ZNF529: variants seen among roughly 807,000 people sequenced by gnomAD.
The protein encoded by ZNF529 is zinc finger protein 529.
In ZNF529, 11 loss-of-function variants were observed where a neutral mutation model predicts 10.1. That is an observed-to-expected ratio of 1.09 (90% CI 0.69 to 1.81). ZNF529 has a LOEUF of 1.81. Ranked by LOEUF, ZNF529 falls within the 40% of genes most tolerant of loss-of-function variation. ZNF529 has a pLI of 0.00. For missense variants in ZNF529, 624 were observed against 666.8 expected (o/e 0.94, Z 0.71); for synonymous variants, 204 against 215.7 (o/e 0.95, Z 0.47).
At chr19:36,565,699 C>T (rs2035869914) in intron 2 of ZNF529, among the ~76,000 whole-genome samples, 1 of 149,376 alleles carries the variant, frequency 6.7e-6, no homozygotes, top group Non-Finnish European at 1.5e-5. Context: ...GACTCTGTCT[C>T]AAAAAAAAGA....
chr19:36,568,477 T>C (rs1403786876), intron 2 of ZNF529, among the ~76,000 whole-genome samples: 1 of 149,518 alleles, frequency 6.7e-6, no homozygotes, highest in East Asian at 1.9e-4. Context: ...TTTCTTTCTT[T>C]TTTTTTTTTT....
At chr19:36,552,903 C>T in intron 4 of ZNF529, among the ~76,000 whole-genome samples, 1 of 152,118 alleles carries the variant, frequency 6.6e-6, no homozygotes, top group East Asian at 1.9e-4. Context: ...AAAGAAAGCT[C>T]TTATGTTATT....
At chr19:36,599,011 C>T (rs528320405) in intron 1 of ZNF529, among the ~76,000 whole-genome samples, 7 of 152,212 alleles carry the variant, frequency 4.6e-5, no homozygotes, top group East Asian at 3.9e-4. Flanking sequence ...AGAAGTCATT[C>T]GGCTTATAAA....
chr19:36,599,000 G>A (rs1449626318), intron 1 of ZNF529, among the ~76,000 whole-genome samples: 1 of 152,208 alleles, frequency 6.6e-6, no homozygotes, highest in African/African-American at 2.4e-5. Flanking sequence ...AGCAGCTAGA[G>A]AGAAGTCATT....
At chr19:36,557,732 C>G (rs941939016) in intron 2 of ZNF529, among the ~76,000 whole-genome samples, 1 of 152,320 alleles carries the variant, frequency 6.6e-6, no homozygotes, top group East Asian at 1.9e-4. Context: ...GACAAAAGTA[C>G]TGGAGTTCCA....
intron 1 of ZNF529, among the ~76,000 whole-genome samples, chr19:36,597,530 T>C (rs1196877513): frequency 6.6e-6 from 1 of 152,216 alleles, no homozygotes; most frequent in Non-Finnish European, 1.5e-5. Context: ...TGAACATACA[T>C]ACATCATACA....
rs1185610380 is a variant in ZNF529 at position 36,586,077 on chromosome 19, T to TA, written c.-41+3537dup. ...GGAACACGAAATCCCATCCTGACTA[T>TA]AAAACATTATATGCTGTTTATTACA... On this transcript the variant is annotated intron_variant, in intron 2 of 4. Coordinates refer to the ZNF529 transcript ENST00000585960. 9.8e-5 allele frequency among the ~76,000 whole-genome samples: 15 copies of TA among 152,352 alleles called. No individual in the cohort carries two copies. The East Asian group carries it at 2.5e-3, about 25-fold the overall frequency.
At position 36,547,410 on chromosome 19, in the gene ZNF529, C is replaced by T. The variant is rs568515212; in HGVS notation, c.1148G>A (p.Arg383His). 4.5e-5 allele frequency: 73 copies of T among 1,613,040 alleles called. No homozygotes were observed. Among genetic ancestry groups the T allele is most frequent in the Non-Finnish European group, 5.0e-5 (59 of 1,179,628 alleles). ...KAFGVCRELA[R>H]HQRIHTGKKP... ...CTTACCAGTATGAATTCTCTGATGA[C>T]GAGCAAGTTCTCTACATACTCCAAA... The change falls in exon 5 of 5, where the codon CGT becomes CAT. Residue 383 changes from arginine to histidine, a missense_variant. Transcript: ENST00000591340.
intron 2 of ZNF529, chr19:36,580,115 A>G (rs1257801826): frequency 1.3e-5 from 2 of 152,176 alleles, no homozygotes; most frequent in African/African-American, 4.8e-5. Flanking sequence ...TAGAGTATCA[A>G]TATGTCTGTC....
At position 36,554,813 on chromosome 19, in the gene ZNF529, G is replaced by A. The variant is rs767405491; in HGVS notation, c.109-17C>T. ...CACCAGTTCCTGAAACAACAAACCCGTACATTACAGGTAAAATTTAAGGAA... is the reference window on the plus strand; with the variant it reads ...CACCAGTTCCTGAAACAACAAACCCATACATTACAGGTAAAATTTAAGGAA... On this transcript the variant is annotated splice_polypyrimidine_tract_variant and intron_variant, in intron 3 of 4. Coordinates refer to ENST00000591340, the MANE Select transcript of ZNF529 (RefSeq NM_020951.5). 1.9e-5 allele frequency: 28 copies of A among 1,506,598 alleles called. No homozygotes were observed. The highest frequency in any genetic ancestry group is 1.7e-4 in the Middle Eastern group (1 of 5,728). The allele number at this position is 1,506,598 out of a possible 1,614,324, so 93.3% of individuals were successfully genotyped here. A position where few individuals can be genotyped will look rare whatever the true frequency, so the allele number is the denominator to read the frequency against.
At position 36,590,921 on chromosome 19, in the gene ZNF529, C is replaced by T. The variant is rs545545043; in HGVS notation, c.-127-1220G>A. Among the ~76,000 whole-genome samples, 3 of 128,958 alleles carry T rather than the reference C, an allele frequency of 2.3e-5. No individual in the cohort carries two copies. The South Asian group carries it at 8.0e-4, about 34-fold the overall frequency. 84.6% of individuals were successfully genotyped at this position (128,958 alleles called of 152,430 possible). ...CTCTAGACTTGGCAACAGAGCAAGA[C>T]TCCGTCTCAAAAAAAAAAAAAAAAG... On this transcript the variant is annotated intron_variant, in intron 1 of 4. Transcript: ENST00000585960.
At chr19:36,601,697 A>G (rs989920359) in intron 1 of ZNF529, among the ~76,000 whole-genome samples, 1 of 152,102 alleles carries the variant, frequency 6.6e-6, no homozygotes, top group African/African-American at 2.4e-5. Flanking sequence ...AATTGGTACT[A>G]TTATTATATA....
chr19:36,561,228 C>T (rs1217787182), intron 2 of ZNF529, among the ~76,000 whole-genome samples: 1 of 152,190 alleles, frequency 6.6e-6, no homozygotes, highest in East Asian at 1.9e-4. Context: ...CACAGTGCTC[C>T]TTGGCTGCCG....
At position 36,573,166 on chromosome 19, in the gene ZNF529, A is replaced by G; in HGVS notation, c.-73T>C. 1 of 311,436 alleles carries G rather than the reference A, an allele frequency of 3.2e-6. No homozygotes were observed. Among genetic ancestry groups the G allele is most frequent in the South Asian group, 2.6e-5 (1 of 38,584 alleles). 19.3% of individuals were successfully genotyped at this position (311,436 alleles called of 1,614,324 possible). On this transcript the variant is annotated 5_prime_UTR_variant, in exon 1 of 5. Transcript: ENST00000591340. ...ACCATCGTCCGCAGCTCCCGCGTAC[A>G]GAGGCCTCAGGCTCCCGGCTCCACG...
chr19:36,603,878 G>A (rs1177471027), intron 1 of ZNF529, among the ~76,000 whole-genome samples: 2 of 152,164 alleles, frequency 1.3e-5, no homozygotes, highest in African/African-American at 2.4e-5. Context: ...CCCCCACAGA[G>A]CTTCCAAAAG....
At chr19:36,587,302 C>T (rs1253508424) in intron 2 of ZNF529, 5 of 149,992 alleles carry the variant, frequency 3.3e-5, no homozygotes, top group African/African-American at 9.8e-5. Context: ...GGGAAATGCA[C>T]AACAAAACAA....
exon 2 of ZNF529, chr19:36,589,671 G>C (rs1268354940): frequency 6.6e-6 from 1 of 151,460 alleles, no homozygotes; most frequent in Non-Finnish European, 1.5e-5. Flanking sequence ...TGTAGTCCTG[G>C]TGTTGATTTT....
intron 2 of ZNF529, chr19:36,581,416 AAAG>A: frequency 6.6e-6 from 1 of 152,254 alleles, no homozygotes; most frequent in Admixed American, 6.5e-5. Flanking sequence ...TTAAATAAAA[AAAG>A]GAGAAATTCA....
intron 4 of ZNF529, among the ~76,000 whole-genome samples, chr19:36,553,854 T>C (rs149803961): frequency 1.1e-3 from 175 of 152,322 alleles, no homozygotes; most frequent in South Asian, 8.3e-4. Flanking sequence ...GAAATACACA[T>C]AACTACTTAA....
Sources: allele counts gnomAD v4.1 joint callset (sites outside exome capture counted in the v4.1 genomes callset), GRCh38; gene constraint gnomAD v4.1.1; transcripts MANE v1.5; gene names NCBI Gene and HGNC (gene_info 2026-07-23, HGNC 2026-07-21).